The following LRRC49 variants were observed in gnomAD, a reference collection of about 807,000 sequenced individuals.
LRRC49 encodes leucine rich repeat containing 49.
Under a neutral mutation model 83.3 loss-of-function variants are expected in LRRC49, and 50 were observed. The ratio of observed to expected loss-of-function variants is 0.60; its 90% CI spans 0.48 to 0.76. LRRC49 has a LOEUF of 0.76. Among genes scored for constraint, LRRC49 ranks in the 30% least tolerant of loss-of-function variants. The probability of loss-of-function intolerance (pLI) is 0.00; values close to 1 mark genes in which losing one functional copy is unlikely to be tolerated. For synonymous variants in LRRC49, 286 were observed against 283.3 expected, an observed-to-expected ratio of 1.01 and a Z score of -0.10; for missense variants, 704 against 809.1, an observed-to-expected ratio of 0.87 and a Z score of 1.58.
At chr15:70,866,578 A>G (rs1274542789) in intron 1 of LRRC49, among the ~76,000 whole-genome samples, 2 of 152,162 alleles carry the variant, frequency 1.3e-5, no homozygotes, top group Non-Finnish European at 2.9e-5. Flanking sequence ...GGCCTTACAG[A>G]TGAGACTCCA....
intron 15 of LRRC49, among the ~76,000 whole-genome samples, chr15:71,038,408 G>C (rs938264628): frequency 9.9e-5 from 15 of 152,198 alleles, no homozygotes; most frequent in African/African-American, 3.6e-4. Flanking sequence ...CAAAACAGCA[G>C]AGCTGCTGTT....
upstream of LRRC49, chr15:70,891,989 G>C (rs533923378): frequency 1.2e-5 from 19 of 1,612,962 alleles, no homozygotes; most frequent in Non-Finnish European, 1.4e-5. Context: ...CTTAGGTGCC[G>C]GGGCGGGCAC....
intron 2 of LRRC49, chr15:70,873,228 G>C: frequency 6.5e-7 from 1 of 1,536,014 alleles, no homozygotes; most frequent in Non-Finnish European, 8.7e-7. Context: ...GCTGAGGTAA[G>C]TCTACACTTT....
upstream of LRRC49, among the ~76,000 whole-genome samples, chr15:70,887,926 A>G (rs1334751062): frequency 6.6e-6 from 1 of 152,212 alleles, no homozygotes; most frequent in Non-Finnish European, 1.5e-5. Flanking sequence ...TATAGATTAT[A>G]AAATTTAAAA....
chr15:71,041,423 G>C (rs2039696578), intron 15 of LRRC49, among the ~76,000 whole-genome samples: 1 of 152,062 alleles, frequency 6.6e-6, no homozygotes, highest in Non-Finnish European at 1.5e-5. Context: ...ATCATAAAAA[G>C]CTATAAGAAA....
chr15:71,046,996 T>C (rs1362010733), intron 15 of LRRC49, among the ~76,000 whole-genome samples: 2 of 152,200 alleles, frequency 1.3e-5, no homozygotes, highest in South Asian at 2.1e-4. Context: ...ATCAGATGGT[T>C]TTCGGTGTGC....
At chr15:70,959,504 AGGAAGGAG>A (rs1370126907) in intron 8 of LRRC49, among the ~76,000 whole-genome samples, 1 of 135,440 alleles carries the variant, frequency 7.4e-6, no homozygotes, top group Middle Eastern at 3.3e-3. Flanking sequence ...AAAGAAAGGA[AGGAAGGAG>A]GGAGGGAGGG....
At chr15:70,932,317 C>T (rs980882357) in intron 7 of LRRC49, among the ~76,000 whole-genome samples, 1 of 152,192 alleles carries the variant, frequency 6.6e-6, no homozygotes, top group South Asian at 2.1e-4. Flanking sequence ...GTCTGTGTCA[C>T]AAAGTGATAG....
At chr15:70,865,354 T>C (rs2032886567) in intron 1 of LRRC49, among the ~76,000 whole-genome samples, 1 of 108,072 alleles carries the variant, frequency 9.3e-6, no homozygotes, top group Non-Finnish European at 2.2e-5. Flanking sequence ...CTTCAGCCTG[T>C]CTTCTAAAGA....
intron 2 of LRRC49, among the ~76,000 whole-genome samples, chr15:70,884,293 G>A (rs970865989): frequency 6.6e-6 from 1 of 152,106 alleles, no homozygotes; most frequent in African/African-American, 2.4e-5. Context: ...AGCACTTCGG[G>A]AGGCTGAGGC....
At chr15:71,000,497 T>G (rs796649981) in intron 11 of LRRC49, among the ~76,000 whole-genome samples, 13 of 152,302 alleles carry the variant, frequency 8.5e-5, no homozygotes, top group African/African-American at 2.9e-4. Context: ...TAAGCTATGT[T>G]TGTCTCCTTT....
In LRRC49 at chr15:71,052,433, G is replaced by C. The variant is rs2040005896; in HGVS notation, c.*2821G>C. The stretch of plus-strand genomic sequence containing the variant: ...AGGATGGTTACCAAGTGTGCAGGTG[G>C]ACCTGAGGCTTGTTAACTGTGCTGC... On this transcript the variant is annotated 3_prime_UTR_variant, in exon 16 of 16. Transcript: ENST00000260382. 1 of 152,212 alleles carries C rather than the reference G, an allele frequency of 6.6e-6. No homozygotes were observed. Among genetic ancestry groups the C allele is most frequent in the Non-Finnish European group, 1.5e-5 (1 of 68,084 alleles). The allele number at this position is 152,212 out of a possible 1,614,324, so 9.4% of individuals were successfully genotyped here.
chr15:70,988,630 A>G (rs2141234862), intron 11 of LRRC49, among the ~76,000 whole-genome samples: 1 of 151,440 alleles, frequency 6.6e-6, no homozygotes, highest in South Asian at 2.1e-4. Flanking sequence ...CATTTAGTCC[A>G]TTTACATTTA....
At chr15:70,949,401 G>T (rs1427549198) in intron 8 of LRRC49, among the ~76,000 whole-genome samples, 1 of 152,152 alleles carries the variant, frequency 6.6e-6, no homozygotes, top group African/African-American at 2.4e-5. Context: ...TGCTGATGCT[G>T]ATGTAAACAA....
At chr15:71,032,002 C>T (rs571097088) in intron 14 of LRRC49, among the ~76,000 whole-genome samples, 5 of 152,038 alleles carry the variant, frequency 3.3e-5, no homozygotes, top group Admixed American at 6.6e-5. Context: ...GGGGAGTGAA[C>T]GGTTCTGTCT....
chr15:70,868,872 T>C (rs1177600176), intron 1 of LRRC49, among the ~76,000 whole-genome samples: 1 of 152,256 alleles, frequency 6.6e-6, no homozygotes, highest in Non-Finnish European at 1.5e-5. Flanking sequence ...CAAGTTAGTA[T>C]AAACATTTTA....
chr15:70,986,728 T>A (rs1161902218), intron 11 of LRRC49, among the ~76,000 whole-genome samples: 1 of 152,232 alleles, frequency 6.6e-6, no homozygotes, highest in African/African-American at 2.4e-5. Context: ...TCAAAGGGAA[T>A]GCTTCCAGTT....
chr15:71,021,257 A>T (rs1307003640), intron 14 of LRRC49, among the ~76,000 whole-genome samples: 1 of 152,248 alleles, frequency 6.6e-6, no homozygotes, highest in Admixed American at 6.5e-5. Flanking sequence ...CGGAAGGAGT[A>T]AATGGAGATA....
chr15:70,943,691 C>T (rs955420109), intron 8 of LRRC49, among the ~76,000 whole-genome samples: 2 of 152,198 alleles, frequency 1.3e-5, no homozygotes, highest in African/African-American at 4.8e-5. Flanking sequence ...TAAACTCTGA[C>T]ATTTTGCCTC....
Sources: gnomAD v4.1 joint callset for allele counts (sites outside exome capture counted in the v4.1 genomes callset) on GRCh38, gnomAD v4.1.1 for gene constraint, MANE v1.5 for transcripts, NCBI Gene and HGNC (gene_info 2026-07-23, HGNC 2026-07-21) for gene names.